Variants in OSBPL1A observed in about 807,000 individuals in gnomAD.
OSBPL1A encodes oxysterol-binding protein-related protein 1.
A neutral mutation model predicts 137.1 loss-of-function variants in OSBPL1A; 80 were observed. The observed-to-expected ratio is 0.58, with a 90% CI of 0.49 to 0.70. The LOEUF (loss-of-function observed/expected upper bound fraction) is 0.70. Among genes scored for constraint, OSBPL1A ranks in the 30% least tolerant of loss-of-function variants. The pLI is 0.00. For missense variants in OSBPL1A, 970 were observed against 1,129.4 expected (o/e 0.86, Z 2.02); for synonymous variants, 365 against 389.7 (o/e 0.94, Z 0.75).
intron 15 of OSBPL1A, among the ~76,000 whole-genome samples, chr18:24,255,040 T>G (rs2089229064): frequency 6.6e-6 from 1 of 151,980 alleles, no homozygotes; most frequent in South Asian, 2.1e-4. Context: ...ACCACAGAAA[T>G]CCAAAGGATC....
Position 24,368,306 on chromosome 18 carries a change from A to T in OSBPL1A, c.188T>A (p.Val63Glu). 6.2e-7 allele frequency: 1 copy of T among 1,612,894 alleles called. No individual in the cohort carries two copies. The highest frequency in any genetic ancestry group is 1.3e-5 in the African/African-American group (1 of 75,054). Residue 63 changes from valine to glutamate, a missense_variant, in exon 3 of 28, where the codon GTG (valine) becomes GAG (glutamate). By Grantham distance (121) the Val-to-Glu change is moderately radical (BLOSUM62 -2). Transcript: ENST00000319481. ...HLACYFGHRQVVQDLLKAGAE... is the reference protein window; with the variant it reads ...HLACYFGHRQEVQDLLKAGAE... ...ATAGACCTTCAACAGATCCTGGACC[A>T]CTTGTCTGTGTCCAAAATAGCATGC... is the stretch of plus-strand genomic sequence containing the variant.
rs71163664 is a variant in OSBPL1A at position 24,175,108 on chromosome 18, GTATATATATATA to G, written c.2094-2637_2094-2626del. Among the ~76,000 whole-genome samples, 59 of 111,492 alleles carry G rather than the reference GTATATATATATA, an allele frequency of 5.3e-4. 1 individual carries two copies. Among genetic ancestry groups the G allele is most frequent in the Admixed American group, 7.9e-4 (9 of 11,338 alleles). 73.1% of individuals were successfully genotyped at this position (111,492 alleles called of 152,430 possible). ...TCATGTGCTTATTTGCCATGTGTAT[GTATATATATATA>G]TATATATATATATATACACATATAT... On this transcript the variant is annotated intron_variant, in intron 21 of 27. Coordinates refer to ENST00000319481, the MANE Select transcript of OSBPL1A (RefSeq NM_080597.4).
intron 13 of OSBPL1A, among the ~76,000 whole-genome samples, chr18:24,311,756 C>G (rs1274675831): frequency 6.6e-6 from 1 of 152,186 alleles, no homozygotes; most frequent in African/African-American, 2.4e-5. Flanking sequence ...AAGTACAGTG[C>G]CTTTAAGGCA....
intron 16 of OSBPL1A, among the ~76,000 whole-genome samples, chr18:24,237,104 A>G (rs1478685997): frequency 6.6e-6 from 1 of 152,142 alleles, no homozygotes; most frequent in East Asian, 1.9e-4. Flanking sequence ...AAATCTATAT[A>G]TATACACAAG....
rs1206520041 is a variant in OSBPL1A at position 24,250,183 on chromosome 18, TTTG to T, written c.1282-10804_1282-10802del. 1.0e-3 allele frequency among the ~76,000 whole-genome samples: 26 copies of T among 24,918 alleles called. 1 individual carries two copies. The highest frequency in any genetic ancestry group is 0.027 in the East Asian group (2 of 74). 16.3% of individuals were successfully genotyped at this position (24,918 alleles called of 152,430 possible). ...GTTTGTTTGTTTGTTTGTTTGTTTGTTTGTTTTTTTTGACATGGAGTCTCACTC... is the reference window on the plus strand; with the variant it reads ...GTTTGTTTGTTTGTTTGTTTGTTTGTTTTTTTTTGACATGGAGTCTCACTC... On this transcript the variant is annotated intron_variant, in intron 15 of 27. Transcript: ENST00000319481.
At chr18:24,239,424 G>T (rs1223965770) in intron 15 of OSBPL1A, 42 bp from the exon 16 acceptor site, 1 of 1,557,548 alleles carries the variant, frequency 6.4e-7, no homozygotes, top group Non-Finnish European at 8.8e-7. Flanking sequence ...CAGAGTGACA[G>T]GAGACACAGA....
chr18:24,391,108 T>C (rs1041054300), intron 1 of OSBPL1A, among the ~76,000 whole-genome samples: 6 of 151,724 alleles, frequency 4.0e-5, no homozygotes, highest in Non-Finnish European at 8.8e-5. Flanking sequence ...TCTCAATCGA[T>C]TGAGGAAGGA....
chr18:24,378,939 C>T (rs1906386777), intron 1 of OSBPL1A, among the ~76,000 whole-genome samples: 1 of 152,094 alleles, frequency 6.6e-6, no homozygotes, highest in African/African-American at 2.4e-5. Context: ...CTTTCTAGCT[C>T]CCCACTCTTA....
intron 18 of OSBPL1A, among the ~76,000 whole-genome samples, chr18:24,189,223 T>G (rs2145934450): frequency 6.6e-6 from 1 of 152,320 alleles, no homozygotes; most frequent in East Asian, 1.9e-4. Context: ...TAGAGAAACC[T>G]GAGAGCAAGG....
chr18:24,239,276 TTCACCA>T lies in OSBPL1A; in HGVS notation c.1382_1387del (p.Leu461_Lys463delinsGln). The T allele has an allele frequency of 6.2e-7, 1 of 1,614,098 alleles. No homozygotes were observed. Among genetic ancestry groups the T allele is most frequent in the Non-Finnish European group, 8.5e-7 (1 of 1,179,986 alleles). Reference sequence around the variant, plus strand: ...AAGGATGCTGGCGGGTGGAGAGCCTTTCACCAGAGACTGCTCTAATTCATGATGTTC... The same window carrying T: ...AAGGATGCTGGCGGGTGGAGAGCCTTGAGACTGCTCTAATTCATGATGTTC... On this transcript the variant is annotated inframe_deletion, in exon 16 of 28. Coordinates refer to ENST00000319481, the MANE Select transcript of OSBPL1A (RefSeq NM_080597.4).
intron 21 of OSBPL1A, 113 bp downstream of exon 21, chr18:24,177,900 G>T: frequency 9.4e-7 from 1 of 1,060,296 alleles, no homozygotes. Flanking sequence ...TGCACTGTAT[G>T]AAAGCTGTTT....
At chr18:24,180,461 TTGTGTGTG>T (rs57229701) in intron 19 of OSBPL1A, among the ~76,000 whole-genome samples, 14 of 150,138 alleles carry the variant, frequency 9.3e-5, no homozygotes, top group African/African-American at 3.4e-4. Context: ...TTTTTCTATT[TTGTGTGTG>T]TGTGTGTGTG....
chr18:24,258,254 A>G (rs2089342085), intron 15 of OSBPL1A, among the ~76,000 whole-genome samples: 1 of 152,216 alleles, frequency 6.6e-6, no homozygotes, highest in Non-Finnish European at 1.5e-5. Flanking sequence ...AAAATGTGGT[A>G]CTTAACACAC....
chr18:24,182,484 T>C (rs1247981929), intron 18 of OSBPL1A, among the ~76,000 whole-genome samples: 2 of 152,200 alleles, frequency 1.3e-5, no homozygotes, highest in African/African-American at 2.4e-5. Context: ...CTGAGGTGCG[T>C]AGTCAGGCTG....
At chr18:24,312,899 G>GCT (rs1458789538) in intron 12 of OSBPL1A, among the ~76,000 whole-genome samples, 7 of 151,706 alleles carry the variant, frequency 4.6e-5, no homozygotes, top group Middle Eastern at 3.5e-3. Context: ...ACTCTGGGAG[G>GCT]GCAAGGTGGG....
chr18:24,281,022 T>G (rs2089946137), intron 14 of OSBPL1A, 74 bp from the exon 15 acceptor site: 1 of 871,506 alleles, frequency 1.1e-6, no homozygotes. Flanking sequence ...ACAAAAATAC[T>G]CTCATATCTA....
intron 1 of OSBPL1A, among the ~76,000 whole-genome samples, chr18:24,383,689 G>A (rs1162596091): frequency 6.6e-6 from 1 of 152,218 alleles, no homozygotes; most frequent in Non-Finnish European, 1.5e-5. Flanking sequence ...AGGAGGCGGA[G>A]GTTGCAATGA....
chr18:24,170,810 C>T (rs1207195778), intron 23 of OSBPL1A, among the ~76,000 whole-genome samples: 1 of 152,056 alleles, frequency 6.6e-6, no homozygotes, highest in Non-Finnish European at 1.5e-5. Flanking sequence ...CTACGCCTGC[C>T]TAATTAAAAA....
chr18:24,195,518 C>T (rs1249721634), intron 18 of OSBPL1A, among the ~76,000 whole-genome samples: 1 of 152,072 alleles, frequency 6.6e-6, no homozygotes, highest in African/African-American at 2.4e-5. Context: ...TGCCACATGA[C>T]TTACATGTTC....
Sources: allele counts gnomAD v4.1 joint callset (sites outside exome capture counted in the v4.1 genomes callset), GRCh38; gene constraint gnomAD v4.1.1; transcripts MANE v1.5; gene names NCBI Gene and HGNC (gene_info 2026-07-23, HGNC 2026-07-21).